The following CRLF3 variants were observed in gnomAD, a reference collection of about 807,000 sequenced individuals.
The protein encoded by CRLF3 is cytokine receptor-like factor 3.
CRLF3 carries 33 observed loss-of-function variants against 55.0 expected under a neutral mutation model. That is an observed-to-expected ratio of 0.60 (90% confidence interval 0.46 to 0.80). CRLF3 has a LOEUF of 0.80. Ranked by LOEUF, CRLF3 falls within the 30% of genes least tolerant of loss-of-function variation. CRLF3 has a pLI of 0.00. For missense variants in CRLF3, 494 were observed against 538.4 expected (o/e 0.92, Z 0.82); for synonymous variants, 238 against 196.8 (o/e 1.21, Z -1.75).
At position 30,783,995 on chromosome 17, in the gene CRLF3, A is replaced by G. The variant is rs367676137; in HGVS notation, c.*192T>C. On this transcript the variant is annotated 3_prime_UTR_variant, in exon 8 of 8. Coordinates refer to ENST00000324238, the MANE Select transcript of CRLF3 (RefSeq NM_015986.4). ...TAACAGTATGCTAAAAATAAAATTGACTGAATTGTATGATTTTGTCCACAA... is the reference window on the plus strand; with the variant it reads ...TAACAGTATGCTAAAAATAAAATTGGCTGAATTGTATGATTTTGTCCACAA... The G allele has an allele frequency of 1.7e-5, 9 of 537,318 alleles. No individual in the cohort carries two copies. Among genetic ancestry groups the G allele is most frequent in the East Asian group, 3.0e-5 (1 of 33,466 alleles). 33.3% of individuals were successfully genotyped at this position (537,318 alleles called of 1,614,324 possible). A position where few individuals can be genotyped will look rare whatever the true frequency, so the allele number is the denominator to read the frequency against.
intron 1 of CRLF3, among the ~76,000 whole-genome samples, chr17:30,809,022 A>G (rs767062144): frequency 6.6e-6 from 1 of 152,224 alleles, no homozygotes; most frequent in African/African-American, 2.4e-5. Flanking sequence ...GCAGTTGAGC[A>G]CTGTGCCTCT....
At position 30,797,485 on chromosome 17, in the gene CRLF3, C is replaced by T. The variant is rs923186251; in HGVS notation, c.338-87G>A. On this transcript the variant is annotated intron_variant, in intron 2 of 7. Coordinates refer to ENST00000324238, the MANE Select transcript of CRLF3 (RefSeq NM_015986.4). ...AACTCATGTCTGGGTGGGTCTCTAG[C>T]GTTCTTGCAAATAAGTTCTTAAGTG... The T allele has an allele frequency of 4.2e-5, 45 of 1,065,224 alleles. 1 individual carries two copies. The Admixed American group carries it at 7.6e-4, about 18-fold the overall frequency. The allele number at this position is 1,065,224 out of a possible 1,614,324, so 66.0% of individuals were successfully genotyped here. A position where few individuals can be genotyped will look rare whatever the true frequency, so the allele number is the denominator to read the frequency against.
At chr17:30,793,301 A>G (rs955484221) in intron 5 of CRLF3, 149 bp downstream of exon 5, 2 of 601,012 alleles carry the variant, frequency 3.3e-6, no homozygotes, top group Non-Finnish European at 5.8e-6. Context: ...CACATGAGGT[A>G]ATCTGAGTAA....
chr17:30,784,080 G>A lies in CRLF3; in HGVS notation c.*107C>T. Reference sequence around the variant, plus strand: ...TGAATCCAGTAAACACTTTCCAATGGCCTAAGTTAGAGATGAATTCAACTT... The same window carrying A: ...TGAATCCAGTAAACACTTTCCAATGACCTAAGTTAGAGATGAATTCAACTT... On this transcript the variant is annotated 3_prime_UTR_variant, in exon 8 of 8. Transcript: ENST00000324238. 1 of 971,704 alleles carries A rather than the reference G, an allele frequency of 1.0e-6. No individual in the cohort carries two copies. The highest frequency in any genetic ancestry group is 1.5e-6 in the Non-Finnish European group (1 of 652,056). The allele number at this position is 971,704 out of a possible 1,614,324, so 60.2% of individuals were successfully genotyped here. A position where few individuals can be genotyped will look rare whatever the true frequency, so the allele number is the denominator to read the frequency against.
intron 6 of CRLF3, among the ~76,000 whole-genome samples, chr17:30,788,467 G>A (rs1300134727): frequency 6.6e-6 from 1 of 152,070 alleles, no homozygotes; most frequent in East Asian, 1.9e-4. Context: ...GCAGACCTGG[G>A]CATCTAATGA....
At chr17:30,822,209 A>G (rs2142278541) in intron 1 of CRLF3, among the ~76,000 whole-genome samples, 1 of 152,280 alleles carries the variant, frequency 6.6e-6, no homozygotes, top group South Asian at 2.1e-4. Context: ...AGTGCCATAT[A>G]TTTTACAGTT....
intron 3 of CRLF3, among the ~76,000 whole-genome samples, chr17:30,796,869 C>T (rs576372927): frequency 2.8e-4 from 43 of 151,704 alleles, no homozygotes; most frequent in South Asian, 2.1e-4. Flanking sequence ...GACTTACAGG[C>T]GCACGCCACC....
At position 30,783,624 on chromosome 17, in the gene CRLF3, AAAAG is replaced by A. The variant is rs1312934104; in HGVS notation, c.*559_*562del. 3.3e-5 allele frequency: 5 copies of A among 152,256 alleles called. No homozygotes were observed. Among genetic ancestry groups the A allele is most frequent in the African/African-American group, 9.7e-5 (4 of 41,436 alleles). 9.4% of individuals were successfully genotyped at this position (152,256 alleles called of 1,614,324 possible). A position where few individuals can be genotyped will look rare whatever the true frequency, so the allele number is the denominator to read the frequency against. On this transcript the variant is annotated 3_prime_UTR_variant, in exon 8 of 8. Transcript: ENST00000324238. ...AAGAGTGAGACTCCGTCTCAACAAA[AAAAG>A]AAAAAGTTATAATGTTTTGGGGACT...
intron 1 of CRLF3, among the ~76,000 whole-genome samples, chr17:30,808,965 T>C (rs1403178697): frequency 6.6e-6 from 1 of 152,226 alleles, no homozygotes; most frequent in Non-Finnish European, 1.5e-5. Flanking sequence ...GTGAAGACCT[T>C]GTGTCAGAAC....
At chr17:30,803,521 T>G (rs924123624) in intron 2 of CRLF3, 1 of 193,154 alleles carries the variant, frequency 5.2e-6, no homozygotes, top group Admixed American at 5.5e-5. Flanking sequence ...GTGATATAAT[T>G]TGGCTCTGTG....
chr17:30,799,536 T>C (rs1390615810), intron 2 of CRLF3, among the ~76,000 whole-genome samples: 1 of 151,358 alleles, frequency 6.6e-6, no homozygotes, highest in East Asian at 1.9e-4. Context: ...GATTTATCTT[T>C]TTTTTTTTTT....
At chr17:30,795,326 CAAAAATACT>C (rs1971896621) in intron 4 of CRLF3, among the ~76,000 whole-genome samples, 1 of 149,470 alleles carries the variant, frequency 6.7e-6, no homozygotes. Flanking sequence ...ACTAAAAATA[CAAAAATACT>C]AAAAATACAA....
chr17:30,785,028 G>A (rs73269970), intron 7 of CRLF3: 19,151 of 151,280 alleles, frequency 0.13, 1,264 homozygotes, highest in South Asian at 0.25. Context: ...GATTACAGGC[G>A]TGAGCCACCG....
chr17:30,791,794 G>C (rs1246065607), intron 6 of CRLF3, among the ~76,000 whole-genome samples: 2 of 151,972 alleles, frequency 1.3e-5, no homozygotes, highest in Non-Finnish European at 2.9e-5. Context: ...GGGATTACAA[G>C]TGTGAGCCAC....
At chr17:30,819,568 G>A (rs1230551263) in intron 1 of CRLF3, among the ~76,000 whole-genome samples, 2 of 152,010 alleles carry the variant, frequency 1.3e-5, no homozygotes, top group African/African-American at 4.8e-5. Context: ...ACCTCCGCCT[G>A]CCCGGCTCAA....
intron 1 of CRLF3, among the ~76,000 whole-genome samples, chr17:30,818,398 G>A (rs574183690): frequency 5.3e-5 from 8 of 151,910 alleles, no homozygotes; most frequent in African/African-American, 9.7e-5. Context: ...TTTTCAAAAT[G>A]GGTAACAGAA....
At chr17:30,788,669 G>A (rs1219945494) in intron 6 of CRLF3, among the ~76,000 whole-genome samples, 1 of 143,442 alleles carries the variant, frequency 7.0e-6, no homozygotes, top group Non-Finnish European at 1.5e-5. Flanking sequence ...GTACAGTGGC[G>A]TGATCTCGGC....
At chr17:30,805,221 T>C (rs894326803) in intron 1 of CRLF3, among the ~76,000 whole-genome samples, 14 of 152,042 alleles carry the variant, frequency 9.2e-5, no homozygotes, top group Admixed American at 3.9e-4. Flanking sequence ...ATGGAGTTGC[T>C]GTGAGGATAA....
At chr17:30,817,890 G>C (rs556828783) in intron 1 of CRLF3, among the ~76,000 whole-genome samples, 6 of 135,174 alleles carry the variant, frequency 4.4e-5, no homozygotes, top group Non-Finnish European at 9.3e-5. Flanking sequence ...TGGCGACAGA[G>C]TGAGACTCCA....
Sources: gnomAD v4.1 joint callset for allele counts (sites outside exome capture counted in the v4.1 genomes callset) on GRCh38, gnomAD v4.1.1 for gene constraint, MANE v1.5 for transcripts, NCBI Gene and HGNC (gene_info 2026-07-23, HGNC 2026-07-21) for gene names.